The following RANBP2 variants were observed in gnomAD, a reference collection of about 807,000 sequenced individuals.
RANBP2 encodes E3 SUMO-protein ligase RanBP2.
In RANBP2, 57 loss-of-function variants were observed where a neutral mutation model predicts 303.6. The ratio of observed to expected loss-of-function variants is 0.19; its 90% CI spans 0.15 to 0.23. The LOEUF (loss-of-function observed/expected upper bound fraction) is 0.23. Ranked by LOEUF, RANBP2 falls within the 10% of genes least tolerant of loss-of-function variation. The pLI is 1.00. For synonymous variants in RANBP2, 1,167 were observed against 1,301.5 expected (o/e 0.90, Z 2.23); for missense variants, 3,138 against 3,780.8 (o/e 0.83, Z 4.46).
At chr2:109,054,966 C>T in the RANBP2 span, among the ~76,000 whole-genome samples, 1 of 152,110 alleles carries the variant, frequency 6.6e-6, no homozygotes, top group African/African-American at 2.4e-5. Flanking sequence ...AAGTAGGATT[C>T]GCTGGCATGT....
chr2:109,402,752 A>T, the RANBP2 span, among the ~76,000 whole-genome samples: 2 of 152,338 alleles, frequency 1.3e-5, no homozygotes, highest in South Asian at 4.1e-4. Flanking sequence ...CTGGACCAGG[A>T]CTTCTGGGCC....
the RANBP2 span, among the ~76,000 whole-genome samples, chr2:109,525,964 C>A: frequency 6.6e-6 from 1 of 152,126 alleles, no homozygotes; most frequent in East Asian, 1.9e-4. Flanking sequence ...ACAGTCTCTG[C>A]AGCCCACTGT....
the RANBP2 span, among the ~76,000 whole-genome samples, chr2:109,170,300 T>TC: frequency 2.5e-5 from 3 of 121,214 alleles, no homozygotes; most frequent in African/African-American, 3.3e-5. Context: ...TTCTCTTCTC[T>TC]TCTCTTCTCT....
the RANBP2 span, among the ~76,000 whole-genome samples, chr2:109,074,904 C>G: frequency 1.4e-3 from 202 of 147,454 alleles, no homozygotes; most frequent in African/African-American, 4.6e-3. Flanking sequence ...ACCTGTAGCC[C>G]CAGCTACTAG....
chr2:109,202,969 G>C, the RANBP2 span, among the ~76,000 whole-genome samples: 7 of 152,232 alleles, frequency 4.6e-5, no homozygotes, highest in Non-Finnish European at 1.0e-4. Context: ...TCTTGTGCCT[G>C]AGGATAACAC....
At chr2:109,205,261 CTT>C in the RANBP2 span, among the ~76,000 whole-genome samples, 1,646 of 135,828 alleles carry the variant, frequency 0.012, 28 homozygotes, top group African/African-American at 0.04. Flanking sequence ...ACTTATGTGA[CTT>C]TTTTTTTTTT....
intron 24 of RANBP2, among the ~76,000 whole-genome samples, chr2:108,776,718 A>G (rs1677918789): frequency 6.6e-6 from 1 of 152,172 alleles, no homozygotes; most frequent in Non-Finnish European, 1.5e-5. Context: ...TAAATGAGAC[A>G]TTTGGTTTTT....
chr2:109,489,784 C>T, the RANBP2 span, among the ~76,000 whole-genome samples: 1 of 152,126 alleles, frequency 6.6e-6, no homozygotes, highest in Non-Finnish European at 1.5e-5. Flanking sequence ...GTCACCCAGG[C>T]TGGAGTGCAG....
the RANBP2 span, among the ~76,000 whole-genome samples, chr2:109,184,933 T>C: frequency 6.6e-6 from 1 of 152,226 alleles, no homozygotes; most frequent in African/African-American, 2.4e-5. Flanking sequence ...AATATATACA[T>C]TTTCCATTTA....
chr2:109,326,478 C>A, the RANBP2 span, among the ~76,000 whole-genome samples: 1 of 152,082 alleles, frequency 6.6e-6, no homozygotes, highest in Non-Finnish European at 1.5e-5. Flanking sequence ...TGGTGAGAGA[C>A]GTTTCCTTCT....
the RANBP2 span, among the ~76,000 whole-genome samples, chr2:109,457,175 C>T: frequency 6.6e-6 from 1 of 152,144 alleles, no homozygotes; most frequent in African/African-American, 2.4e-5. Flanking sequence ...TTGACGAATG[C>T]ATAACATAGT....
At chr2:109,699,419 A>G in the RANBP2 span, among the ~76,000 whole-genome samples, 1 of 152,198 alleles carries the variant, frequency 6.6e-6, no homozygotes, top group African/African-American at 2.4e-5. Context: ...TCCAAACTTA[A>G]CTAGTGTAGC....
the RANBP2 span, among the ~76,000 whole-genome samples, chr2:109,110,021 C>T: frequency 5.3e-5 from 8 of 152,182 alleles, no homozygotes; most frequent in Non-Finnish European, 1.0e-4. Context: ...CACACGGAAC[C>T]TCTCCTCTCA....
the RANBP2 span, among the ~76,000 whole-genome samples, chr2:109,214,408 AC>A: frequency 6.6e-6 from 1 of 151,762 alleles, no homozygotes; most frequent in Non-Finnish European, 1.5e-5. Context: ...TGTGTAACAA[AC>A]CTGCACACTG....
chr2:109,394,178 C>G, the RANBP2 span, among the ~76,000 whole-genome samples: 4 of 152,236 alleles, frequency 2.6e-5, no homozygotes, highest in Non-Finnish European at 5.9e-5. Flanking sequence ...CTAGACAGTT[C>G]TGTGGTTGGA....
the RANBP2 span, among the ~76,000 whole-genome samples, chr2:109,323,200 A>G: frequency 6.6e-6 from 1 of 152,258 alleles, no homozygotes; most frequent in East Asian, 1.9e-4. Context: ...CTAGAGTGGG[A>G]AGGAGGGCCG....
At chr2:109,719,117 A>ATT in the RANBP2 span, among the ~76,000 whole-genome samples, 1 of 119,508 alleles carries the variant, frequency 8.4e-6, no homozygotes. Flanking sequence ...TTTTTTTGAG[A>ATT]TGGAGTTTTC....
the RANBP2 span, among the ~76,000 whole-genome samples, chr2:109,205,932 A>G: frequency 6.6e-6 from 1 of 152,072 alleles, no homozygotes; most frequent in Non-Finnish European, 1.5e-5. Flanking sequence ...AAAAAAGTAG[A>G]TGTGTGTTTT....
At chr2:108,998,476 A>G in the RANBP2 span, among the ~76,000 whole-genome samples, 1 of 152,184 alleles carries the variant, frequency 6.6e-6, no homozygotes, top group Non-Finnish European at 1.5e-5. Context: ...CACCCTCAAC[A>G]CATCCAATCC....
Sources: allele counts gnomAD v4.1 joint callset (sites outside exome capture counted in the v4.1 genomes callset), GRCh38; gene constraint gnomAD v4.1.1; transcripts MANE v1.5; gene names NCBI Gene and HGNC (gene_info 2026-07-23, HGNC 2026-07-21).